Variants in RASEF observed in about 807,000 individuals in gnomAD.
The protein encoded by RASEF is RAS and EF-hand domain containing, also known as ras and EF-hand domain-containing protein.
Under a neutral mutation model 90.1 loss-of-function variants are expected in RASEF, and 68 were observed. The ratio of observed to expected loss-of-function variants is 0.75; its 90% CI spans 0.62 to 0.92. RASEF has a LOEUF of 0.92. RASEF is among the 40% of genes least tolerant of loss of function. RASEF has a pLI of 0.00. For missense variants in RASEF, 949 were observed against 937.2 expected, an observed-to-expected ratio of 1.01 and a Z score of -0.16; for synonymous variants, 331 against 345.2, an observed-to-expected ratio of 0.96 and a Z score of 0.46.
At chr9:83,197,206 C>A in the RASEF span, among the ~76,000 whole-genome samples, 1 of 152,190 alleles carries the variant, frequency 6.6e-6, no homozygotes, top group African/African-American at 2.4e-5. Flanking sequence ...GACTGATCTG[C>A]AGAGAGATTT....
At chr9:83,141,821 C>A in the RASEF span, among the ~76,000 whole-genome samples, 6 of 152,276 alleles carry the variant, frequency 3.9e-5, no homozygotes, top group South Asian at 6.2e-4. Flanking sequence ...AAAGTACATT[C>A]CTGGCTTGGG....
chr9:83,059,861 A>C (rs1229257907), intron 1 of RASEF, among the ~76,000 whole-genome samples: 1 of 152,164 alleles, frequency 6.6e-6, no homozygotes, highest in Non-Finnish European at 1.5e-5. Flanking sequence ...CAAAACAAAA[A>C]GTCCCTCAAT....
At chr9:83,149,130 T>C in the RASEF span, among the ~76,000 whole-genome samples, 1 of 152,276 alleles carries the variant, frequency 6.6e-6, no homozygotes, top group East Asian at 1.9e-4. Flanking sequence ...AGAGCTCCCT[T>C]TGTCATCTCC....
chr9:83,197,248 C>T, the RASEF span, among the ~76,000 whole-genome samples: 1 of 152,250 alleles, frequency 6.6e-6, no homozygotes, highest in Admixed American at 6.5e-5. Flanking sequence ...GTTGATCCCT[C>T]ATCACACAGA....
intron 16 of RASEF, 78 bp from the exon 17 acceptor site, chr9:82,982,860 A>G (rs1828639715): frequency 8.4e-6 from 7 of 835,976 alleles, no homozygotes; most frequent in South Asian, 8.1e-5. Flanking sequence ...AAACTAAGCC[A>G]CAGATGGTTC....
At chr9:83,042,370 G>C (rs115807746) in intron 1 of RASEF, among the ~76,000 whole-genome samples, 1 of 152,128 alleles carries the variant, frequency 6.6e-6, no homozygotes, top group Non-Finnish European at 1.5e-5. Flanking sequence ...AAAGAGAAAG[G>C]ATTAAAAATA....
chr9:83,161,754 C>T, the RASEF span, among the ~76,000 whole-genome samples: 2 of 151,838 alleles, frequency 1.3e-5, no homozygotes, highest in African/African-American at 2.4e-5. Flanking sequence ...ACAATTCCCA[C>T]GTGTTGTGAG....
chr9:83,038,381 A>G (rs1166707771), intron 1 of RASEF, among the ~76,000 whole-genome samples: 2 of 152,132 alleles, frequency 1.3e-5, no homozygotes, highest in Admixed American at 6.5e-5. Context: ...AAAAATTATG[A>G]TCTACACAGA....
the RASEF span, among the ~76,000 whole-genome samples, chr9:83,144,614 T>C: frequency 2.0e-5 from 3 of 152,062 alleles, no homozygotes; most frequent in Non-Finnish European, 4.4e-5. Flanking sequence ...CTGGAACAAA[T>C]GTGTAGGTTG....
At chr9:83,201,902 G>A in the RASEF span, 7 of 152,426 alleles carry the variant, frequency 4.6e-5, no homozygotes, top group East Asian at 5.8e-4. Context: ...TTCAAGCACC[G>A]AGAAGCCAGA....
the RASEF span, among the ~76,000 whole-genome samples, chr9:83,170,054 G>T: frequency 2.8e-4 from 43 of 151,956 alleles, no homozygotes; most frequent in Non-Finnish European, 1.9e-4. Flanking sequence ...TAGTTTCCTA[G>T]CTTCAGGTCT....
In RASEF at chr9:83,008,891, CATATA is replaced by C. The variant is rs1178005303; in HGVS notation, c.959+745_959+749del. Among the ~76,000 whole-genome samples, 306 of 19,560 alleles carry C rather than the reference CATATA, an allele frequency of 0.016. 43 individuals carry two copies. The East Asian group carries it at 0.18, about 12-fold the overall frequency. 12.8% of individuals were successfully genotyped at this position (19,560 alleles called of 152,430 possible). A position where few individuals can be genotyped will look rare whatever the true frequency, so the allele number is the denominator to read the frequency against. ...TCCCAACTAAATTTGAAGTTCTCAT[CATATA>C]TATATATATATATATATATATATAT... On this transcript the variant is annotated intron_variant, in intron 6 of 16. Coordinates refer to ENST00000376447, the MANE Select transcript of RASEF (RefSeq NM_152573.4).
At chr9:83,022,507 T>C (rs1829462818) in intron 2 of RASEF, 81 bp from the exon 3 acceptor site, 7 of 979,224 alleles carry the variant, frequency 7.1e-6, no homozygotes, top group Non-Finnish European at 1.2e-5. Context: ...TCATCTACGT[T>C]AAGCCCTATA....
At chr9:83,095,962 A>C in the RASEF span, among the ~76,000 whole-genome samples, 1 of 152,294 alleles carries the variant, frequency 6.6e-6, no homozygotes, top group Non-Finnish European at 1.5e-5. Context: ...GCTCCATGCC[A>C]GCACATGGAT....
At chr9:83,214,834 C>T in the RASEF span, among the ~76,000 whole-genome samples, 2 of 151,944 alleles carry the variant, frequency 1.3e-5, no homozygotes, top group African/African-American at 4.8e-5. Flanking sequence ...GACAGGGAAA[C>T]ACTGGGTAGA....
the RASEF span, among the ~76,000 whole-genome samples, chr9:83,163,903 T>C: frequency 6.7e-6 from 1 of 150,352 alleles, no homozygotes; most frequent in Admixed American, 6.6e-5. Flanking sequence ...CTGAAAAAAT[T>C]ACACCTAGAT....
chr9:83,017,207 C>T (rs1048797248), intron 3 of RASEF, among the ~76,000 whole-genome samples: 1 of 151,732 alleles, frequency 6.6e-6, no homozygotes, highest in African/African-American at 2.4e-5. Context: ...TTATCCAGGC[C>T]AGGCATGGTG....
intron 15 of RASEF, 36 bp from the exon 16 acceptor site, chr9:82,990,503 C>G (rs563843758): frequency 6.8e-7 from 1 of 1,476,488 alleles, no homozygotes; most frequent in East Asian, 2.3e-5. Context: ...AAATGAAGCC[C>G]TTCATTGAGT....
the RASEF span, among the ~76,000 whole-genome samples, chr9:83,072,269 C>T: frequency 7.9e-5 from 12 of 152,068 alleles, no homozygotes; most frequent in African/African-American, 2.7e-4. Context: ...GCCCATGTAC[C>T]CTGCCCTCCA....
Sources: allele counts gnomAD v4.1 joint callset (sites outside exome capture counted in the v4.1 genomes callset), GRCh38; gene constraint gnomAD v4.1.1; transcripts MANE v1.5; gene names NCBI Gene and HGNC (gene_info 2026-07-23, HGNC 2026-07-21).